The following L3MBTL4 variants were observed in gnomAD, a reference collection of about 807,000 sequenced individuals.
L3MBTL4 encodes lethal(3)malignant brain tumor-like protein 4.
Under a neutral mutation model 84.5 loss-of-function variants are expected in L3MBTL4, and 70 were observed. The ratio of observed to expected loss-of-function variants is 0.83; its 90% CI spans 0.68 to 1.01. L3MBTL4 has a LOEUF of 1.01. Among genes scored for constraint, L3MBTL4 ranks in the 50% least tolerant of loss-of-function variants. The pLI, the probability that L3MBTL4 is intolerant of heterozygous loss-of-function variation, is 0.00. For missense variants in L3MBTL4, 715 were observed against 754.8 expected (o/e 0.95, Z 0.62); for synonymous variants, 274 against 259.8 (o/e 1.05, Z -0.52).
intron 16 of L3MBTL4, among the ~76,000 whole-genome samples, chr18:6,068,140 G>A (rs2057458935): frequency 6.6e-6 from 1 of 152,148 alleles, no homozygotes; most frequent in Non-Finnish European, 1.5e-5. Context: ...CATTTGGCCT[G>A]TGGGTAAGTT....
intron 5 of L3MBTL4, among the ~76,000 whole-genome samples, chr18:6,263,411 C>T (rs2048494913): frequency 6.6e-6 from 1 of 152,044 alleles, no homozygotes; most frequent in African/African-American, 2.4e-5. Context: ...AGATGATCCC[C>T]TGTAAGGCCC....
At chr18:6,319,212 C>A (rs564540040) in intron 1 of L3MBTL4, among the ~76,000 whole-genome samples, 5 of 152,032 alleles carry the variant, frequency 3.3e-5, no homozygotes, top group Non-Finnish European at 5.9e-5. Flanking sequence ...TGTCACACCT[C>A]AAGGAACTAT....
At chr18:6,269,053 G>A (rs2048755629) in intron 4 of L3MBTL4, among the ~76,000 whole-genome samples, 1 of 152,072 alleles carries the variant, frequency 6.6e-6, no homozygotes, top group African/African-American at 2.4e-5. Flanking sequence ...CAGTCAAAAT[G>A]GAACAGAAAT....
At chr18:6,076,609 T>C (rs1176681772) in intron 16 of L3MBTL4, among the ~76,000 whole-genome samples, 1 of 152,046 alleles carries the variant, frequency 6.6e-6, no homozygotes, top group Non-Finnish European at 1.5e-5. Context: ...GTAACCACAA[T>C]ATATCAATAA....
chr18:5,974,527 G>A (rs1334883047), intron 16 of L3MBTL4, among the ~76,000 whole-genome samples: 1 of 152,200 alleles, frequency 6.6e-6, no homozygotes, highest in Non-Finnish European at 1.5e-5. Context: ...CCAGGGGAAG[G>A]CCAATTTTTC....
At chr18:6,098,641 C>T (rs762916843) in intron 14 of L3MBTL4, among the ~76,000 whole-genome samples, 131 of 152,156 alleles carry the variant, frequency 8.6e-4, no homozygotes, top group Non-Finnish European at 1.6e-3. Context: ...GATGTGGAAA[C>T]GTGGCTTCCT....
At chr18:5,966,590 C>G (rs1343299562) in intron 17 of L3MBTL4, among the ~76,000 whole-genome samples, 1 of 152,178 alleles carries the variant, frequency 6.6e-6, no homozygotes, top group African/African-American at 2.4e-5. Flanking sequence ...CTGCCTGCAG[C>G]CTTTAAGGGC....
intron 13 of L3MBTL4, among the ~76,000 whole-genome samples, chr18:6,139,521 G>GCA (rs1037378377): frequency 2.6e-5 from 4 of 150,976 alleles, no homozygotes; most frequent in South Asian, 2.1e-4. Context: ...ATACACATGT[G>GCA]CACACACACA....
At chr18:6,285,668 A>G (rs1405861541) in intron 4 of L3MBTL4, among the ~76,000 whole-genome samples, 1 of 151,934 alleles carries the variant, frequency 6.6e-6, no homozygotes, top group East Asian at 1.9e-4. Flanking sequence ...ACCTGCTGCA[A>G]CCTGAGGCCA....
chr18:6,363,208 A>T (rs1464392743), intron 1 of L3MBTL4, among the ~76,000 whole-genome samples: 1 of 152,168 alleles, frequency 6.6e-6, no homozygotes, highest in African/African-American at 2.4e-5. Context: ...CAGTAAGTGG[A>T]TTTCACACTT....
intron 1 of L3MBTL4, among the ~76,000 whole-genome samples, chr18:6,335,660 G>A (rs1036574285): frequency 1.3e-5 from 2 of 152,162 alleles, no homozygotes; most frequent in Non-Finnish European, 2.9e-5. Flanking sequence ...GACCTGGTGG[G>A]AGGTGATTGG....
chr18:6,017,767 C>T (rs1439393487), intron 16 of L3MBTL4: 1 of 152,176 alleles, frequency 6.6e-6, no homozygotes, highest in Admixed American at 6.5e-5. Context: ...TATGAACTCA[C>T]AACTGTCCCT....
At chr18:6,232,337 T>C (rs562192471) in intron 10 of L3MBTL4, among the ~76,000 whole-genome samples, 16 of 152,136 alleles carry the variant, frequency 1.1e-4, no homozygotes, top group African/African-American at 3.6e-4. Context: ...AGAATATTGG[T>C]CTACAGTTTT....
At chr18:6,045,600 C>T (rs1381434815) in intron 16 of L3MBTL4, among the ~76,000 whole-genome samples, 2 of 152,144 alleles carry the variant, frequency 1.3e-5, no homozygotes, top group Non-Finnish European at 2.9e-5. Flanking sequence ...CATCAGACCT[C>T]ATGAGACTCA....
At chr18:6,281,331 A>G (rs902081586) in intron 4 of L3MBTL4, among the ~76,000 whole-genome samples, 1 of 152,236 alleles carries the variant, frequency 6.6e-6, no homozygotes, top group Non-Finnish European at 1.5e-5. Context: ...TGTTCAGGGA[A>G]ATAATTAATG....
At chr18:6,373,322 G>T (rs1346776319) in intron 1 of L3MBTL4, among the ~76,000 whole-genome samples, 2 of 152,122 alleles carry the variant, frequency 1.3e-5, no homozygotes, top group Non-Finnish European at 2.9e-5. Context: ...CAGTCAAAAG[G>T]CTGAGGTTTC....
chr18:6,130,994 A>C (rs1005128881), intron 14 of L3MBTL4, among the ~76,000 whole-genome samples: 14 of 152,192 alleles, frequency 9.2e-5, no homozygotes, highest in Admixed American at 7.9e-4. Flanking sequence ...CTTGTCTGAC[A>C]TCCATCTAAA....
At chr18:5,973,262 A>C (rs905777672) in intron 16 of L3MBTL4, among the ~76,000 whole-genome samples, 12 of 152,162 alleles carry the variant, frequency 7.9e-5, no homozygotes, top group Non-Finnish European at 1.5e-5. Flanking sequence ...TGGCCACTGA[A>C]ATCATTTGCA....
intron 16 of L3MBTL4, among the ~76,000 whole-genome samples, chr18:6,003,471 C>A (rs141767889): frequency 0.012 from 1,848 of 152,008 alleles, 32 homozygotes; most frequent in African/African-American, 0.043. Context: ...GACTTCAATA[C>A]TTCACTCTCA....
Sources: gnomAD v4.1 joint callset for allele counts (sites outside exome capture counted in the v4.1 genomes callset) on GRCh38, gnomAD v4.1.1 for gene constraint, MANE v1.5 for transcripts, NCBI Gene and HGNC (gene_info 2026-07-23, HGNC 2026-07-21) for gene names.